Variants in PVT1 observed in about 807,000 individuals in gnomAD.
PVT1 encodes Pvt1 oncogene, also known as CXCR4/PVT1 fusion.
chr8:127,853,166 C>A (rs563463582), intron 2 of PVT1, among the ~76,000 whole-genome samples: 1 of 152,098 alleles, frequency 6.6e-6, no homozygotes, highest in Non-Finnish European at 1.5e-5. Flanking sequence ...ATATAGCCTC[C>A]CAGAGAATTC....
chr8:128,093,741 G>A (rs1233312304), intron 5 of PVT1, among the ~76,000 whole-genome samples: 3 of 151,668 alleles, frequency 2.0e-5, no homozygotes, highest in Admixed American at 6.6e-5. Flanking sequence ...AGGTTCAAGC[G>A]ATTCCTCTGC....
At chr8:128,004,469 C>T (rs559340155) in intron 4 of PVT1, among the ~76,000 whole-genome samples, 137 of 152,076 alleles carry the variant, frequency 9.0e-4, no homozygotes, top group Non-Finnish European at 1.7e-3. Flanking sequence ...CCCTCTCTGC[C>T]GAGAGAGTCC....
At chr8:127,939,362 G>C (rs1816316621) in intron 3 of PVT1, 1 of 152,584 alleles carries the variant, frequency 6.6e-6, no homozygotes, top group Non-Finnish European at 1.5e-5. Flanking sequence ...GGTCCGGCAG[G>C]TGGAGGTGCT....
At chr8:127,991,848 CT>C (rs1817045554) in intron 4 of PVT1, among the ~76,000 whole-genome samples, 1 of 152,146 alleles carries the variant, frequency 6.6e-6, no homozygotes, top group African/African-American at 2.4e-5. Context: ...CACTGGGAGC[CT>C]GCCTGTCTGT....
chr8:127,860,786 G>GC (rs1314399449), intron 2 of PVT1, among the ~76,000 whole-genome samples: 1 of 137,350 alleles, frequency 7.3e-6, no homozygotes, highest in Non-Finnish European at 1.7e-5. Context: ...AAAAAAAAAG[G>GC]AGAAGACAAG....
At chr8:127,886,217 C>T (rs76397151) in intron 2 of PVT1, among the ~76,000 whole-genome samples, 16,353 of 152,104 alleles carry the variant, frequency 0.11, 984 homozygotes, top group African/African-American at 0.15. Flanking sequence ...AAATTAGAAC[C>T]ACTGTTTTTC....
At chr8:127,901,021 C>A (rs1292232654) in intron 3 of PVT1, among the ~76,000 whole-genome samples, 1 of 152,166 alleles carries the variant, frequency 6.6e-6, no homozygotes, top group Non-Finnish European at 1.5e-5. Flanking sequence ...ATAATGGGGG[C>A]CCCTTGCAGA....
At chr8:127,868,472 C>G (rs1440734026) in intron 2 of PVT1, among the ~76,000 whole-genome samples, 1 of 151,904 alleles carries the variant, frequency 6.6e-6, no homozygotes, top group African/African-American at 2.4e-5. Context: ...ACTACAACCC[C>G]GACCTCCTGG....
chr8:128,032,720 C>A (rs1457412327), intron 4 of PVT1, among the ~76,000 whole-genome samples: 1 of 152,224 alleles, frequency 6.6e-6, no homozygotes, highest in African/African-American at 2.4e-5. Context: ...TGCCTGGTGG[C>A]TGATGTGATT....
At chr8:128,057,857 G>C (rs1214962347) in intron 4 of PVT1, among the ~76,000 whole-genome samples, 1 of 152,228 alleles carries the variant, frequency 6.6e-6, no homozygotes, top group Non-Finnish European at 1.5e-5. Context: ...CTGTTTGTGA[G>C]TGAGGAAAAG....
intron 3 of PVT1, among the ~76,000 whole-genome samples, chr8:127,953,551 A>G (rs60648776): frequency 0.019 from 2,866 of 152,342 alleles, 95 homozygotes; most frequent in African/African-American, 0.065. Context: ...AAACCATTCT[A>G]AAGTTTGCTC....
At chr8:127,825,117 TAAAAA>T (rs58377389) in intron 2 of PVT1, among the ~76,000 whole-genome samples, 1 of 81,056 alleles carries the variant, frequency 1.2e-5, no homozygotes, top group Admixed American at 1.5e-4. Flanking sequence ...AAACACTAGC[TAAAAA>T]AAAAAAAAAA....
chr8:128,038,417 A>T (rs1377185067), intron 4 of PVT1, among the ~76,000 whole-genome samples: 6 of 152,172 alleles, frequency 3.9e-5, no homozygotes. Flanking sequence ...GCAGATGCAG[A>T]CATGGTACTA....
At chr8:127,965,270 C>T (rs574572274) in intron 3 of PVT1, among the ~76,000 whole-genome samples, 5 of 152,330 alleles carry the variant, frequency 3.3e-5, no homozygotes, top group Non-Finnish European at 7.3e-5. Context: ...AGAACTCCCT[C>T]ATATACTTTA....
chr8:128,072,998 T>A (rs1253531635), intron 5 of PVT1, among the ~76,000 whole-genome samples: 1 of 152,076 alleles, frequency 6.6e-6, no homozygotes, highest in Non-Finnish European at 1.5e-5. Flanking sequence ...CATGCCTAGC[T>A]AATTTTTGTA....
chr8:127,837,747 C>T (rs1010238983), intron 2 of PVT1, among the ~76,000 whole-genome samples: 5 of 152,080 alleles, frequency 3.3e-5, no homozygotes, highest in African/African-American at 1.2e-4. Context: ...GGAACTTGCC[C>T]CAGCTCATGG....
intron 3 of PVT1, among the ~76,000 whole-genome samples, chr8:127,984,571 T>A (rs955744559): frequency 6.6e-6 from 1 of 152,208 alleles, no homozygotes; most frequent in African/African-American, 2.4e-5. Flanking sequence ...AGTACAATAC[T>A]CCCATCCATC....
At chr8:127,865,873 GA>G (rs1815281541) in intron 2 of PVT1, among the ~76,000 whole-genome samples, 1 of 152,234 alleles carries the variant, frequency 6.6e-6, no homozygotes, top group Non-Finnish European at 1.5e-5. Flanking sequence ...AATGTCCTTT[GA>G]GTGTGGCACC....
chr8:128,009,477 A>T (rs1335173213), intron 4 of PVT1: 1 of 152,524 alleles, frequency 6.6e-6, no homozygotes, highest in Non-Finnish European at 1.5e-5. Context: ...TTGAACTGTA[A>T]AGCTTTTTTT....
Sources: allele counts gnomAD v4.1 joint callset (sites outside exome capture counted in the v4.1 genomes callset), GRCh38; gene constraint gnomAD v4.1.1; transcripts MANE v1.5; gene names NCBI Gene and HGNC (gene_info 2026-07-23, HGNC 2026-07-21).